MIPOL1: variants seen among roughly 807,000 people sequenced by gnomAD.
MIPOL1 encodes the protein mirror-image polydactyly gene 1 protein.
MIPOL1 carries 57 observed loss-of-function variants against 60.9 expected under a neutral mutation model. That is an observed-to-expected ratio of 0.94 (90% CI 0.76 to 1.17). The LOEUF (loss-of-function observed/expected upper bound fraction) is 1.17, where lower values mean the gene tolerates loss of function less well. Ranked by LOEUF, MIPOL1 falls within the 50% of genes most tolerant of loss-of-function variation. The pLI, the probability that MIPOL1 is intolerant of heterozygous loss-of-function variation, is 0.00. For missense variants in MIPOL1, 551 were observed against 511.6 expected, an observed-to-expected ratio of 1.08 and a Z score of -0.74; for synonymous variants, 179 against 168.8, an observed-to-expected ratio of 1.06 and a Z score of -0.47.
intron 12 of MIPOL1, among the ~76,000 whole-genome samples, chr14:37,528,615 G>A (rs914076446): frequency 1.3e-5 from 2 of 152,060 alleles, no homozygotes; most frequent in East Asian, 1.9e-4. Context: ...ATTATAAAGT[G>A]TATTATCATA....
At chr14:37,321,628 A>C (rs748569913) in intron 9 of MIPOL1, among the ~76,000 whole-genome samples, 23 of 152,034 alleles carry the variant, frequency 1.5e-4, no homozygotes, top group Admixed American at 6.6e-5. Flanking sequence ...GTTGTTGTGC[A>C]TAGATGTATT....
At position 37,446,058 on chromosome 14, in the gene MIPOL1, C is replaced by A. The variant is rs975688193; in HGVS notation, c.1031+23109C>A. On this transcript the variant is annotated intron_variant, in intron 11 of 12. Coordinates refer to ENST00000684589, the MANE Select transcript of MIPOL1 (RefSeq NM_001388067.1). ...ACACCAAAAGCAATGGCAACAAAAG[C>A]CAAAATTGACAAATGGGATCTAATT... Among the ~76,000 whole-genome samples the A allele has an allele frequency of 5.3e-5, 8 of 152,178 alleles. No homozygotes were observed. The South Asian group carries it at 8.3e-4, about 16-fold the overall frequency.
At chr14:37,343,134 A>C (rs1247663939) in intron 9 of MIPOL1, among the ~76,000 whole-genome samples, 1 of 151,750 alleles carries the variant, frequency 6.6e-6, no homozygotes, top group African/African-American at 2.4e-5. Flanking sequence ...AAGTATAAAT[A>C]TACACACATA....
chr14:37,207,245 G>C (rs1966235423), intron 1 of MIPOL1, among the ~76,000 whole-genome samples: 1 of 152,120 alleles, frequency 6.6e-6, no homozygotes, highest in Non-Finnish European at 1.5e-5. Context: ...ATAAGTCCAG[G>C]TGAGTTCTGA....
intron 3 of MIPOL1, among the ~76,000 whole-genome samples, chr14:37,250,897 C>T (rs542642751): frequency 1.7e-3 from 261 of 152,114 alleles, no homozygotes; most frequent in African/African-American, 5.8e-3. Flanking sequence ...AGAAACGCTT[C>T]TGAAATATTT....
rs567950078 is a variant in MIPOL1 at position 37,482,317 on chromosome 14, G to GA, written c.1032-17585dup. ...GCATACAGATAGCCAGTAGATATAT[G>GA]AAAAAATGTTTAATTGCTAATTATA... On this transcript the variant is annotated intron_variant, in intron 11 of 12. Transcript: ENST00000684589. Among the ~76,000 whole-genome samples the GA allele has an allele frequency of 2.0e-5, 3 of 152,228 alleles. No homozygotes were observed. The South Asian group carries it at 6.2e-4, about 32-fold the overall frequency.
At chr14:37,386,712 G>A (rs1474885) in intron 10 of MIPOL1, among the ~76,000 whole-genome samples, 150,307 of 152,108 alleles carry the variant, frequency 0.99, 74,288 homozygotes, top group Middle Eastern at 1. Flanking sequence ...AGTTGTTAAT[G>A]TAGTAGAGAA....
intron 10 of MIPOL1, among the ~76,000 whole-genome samples, chr14:37,388,486 G>GTT (rs77450180): frequency 2.3e-3 from 287 of 124,562 alleles, no homozygotes; most frequent in African/African-American, 6.4e-3. Flanking sequence ...TTTTTTTTGT[G>GTT]TTTTTTTTTT....
intron 9 of MIPOL1, among the ~76,000 whole-genome samples, chr14:37,360,078 CAT>C (rs1167669252): frequency 8.5e-5 from 13 of 152,200 alleles, no homozygotes; most frequent in Non-Finnish European, 7.4e-5. Context: ...ATGAGACAAT[CAT>C]GTGGTTTTTG....
intron 1 of MIPOL1, among the ~76,000 whole-genome samples, chr14:37,206,987 G>A: frequency 6.6e-6 from 1 of 152,186 alleles, no homozygotes; most frequent in Non-Finnish European, 1.5e-5. Flanking sequence ...TAGGGCTGTG[G>A]ACTTTTGAGT....
chr14:37,322,482 T>G (rs756009169), intron 9 of MIPOL1, among the ~76,000 whole-genome samples: 18 of 152,082 alleles, frequency 1.2e-4, no homozygotes, highest in Non-Finnish European at 2.4e-4. Context: ...ACTCTGTTCT[T>G]ATATAGATAA....
intron 11 of MIPOL1, among the ~76,000 whole-genome samples, chr14:37,438,545 C>T (rs997276087): frequency 1.3e-5 from 2 of 152,180 alleles, no homozygotes; most frequent in African/African-American, 4.8e-5. Flanking sequence ...ACCCCTTCCT[C>T]TACTCATGCC....
chr14:37,375,547 C>A (rs1442727141), intron 10 of MIPOL1, among the ~76,000 whole-genome samples: 1 of 152,124 alleles, frequency 6.6e-6, no homozygotes, highest in East Asian at 1.9e-4. Context: ...TTGGAACTGT[C>A]CAATGTAATT....
intron 11 of MIPOL1, among the ~76,000 whole-genome samples, chr14:37,456,736 A>G (rs2094480213): frequency 6.6e-6 from 1 of 152,130 alleles, no homozygotes; most frequent in Non-Finnish European, 1.5e-5. Flanking sequence ...ATAGGCAGTG[A>G]TTACCAGAAG....
At chr14:37,534,695 ACTTAAT>A (rs1021574178) in intron 12 of MIPOL1, among the ~76,000 whole-genome samples, 2 of 152,144 alleles carry the variant, frequency 1.3e-5, no homozygotes, top group African/African-American at 2.4e-5. Context: ...TAAAATTGTA[ACTTAAT>A]CTTAATTTAT....
chr14:37,214,075 A>G (rs1305182779), intron 1 of MIPOL1, among the ~76,000 whole-genome samples: 1 of 152,216 alleles, frequency 6.6e-6, no homozygotes, highest in East Asian at 1.9e-4. Context: ...AGAAGTGCTA[A>G]AGGGAGTACT....
chr14:37,208,658 G>A (rs1966485412), intron 1 of MIPOL1, among the ~76,000 whole-genome samples: 1 of 152,128 alleles, frequency 6.6e-6, no homozygotes, highest in African/African-American at 2.4e-5. Context: ...CAGTGGCACA[G>A]TCTTGGCTCA....
At chr14:37,528,438 T>TA (rs2095460861) in intron 12 of MIPOL1, among the ~76,000 whole-genome samples, 1 of 152,056 alleles carries the variant, frequency 6.6e-6, no homozygotes, top group South Asian at 2.1e-4. Flanking sequence ...AGTTAAAGAA[T>TA]ATTTAGAATT....
At position 37,270,462 on chromosome 14, in the gene MIPOL1, C is replaced by A. The variant is rs2083213389; in HGVS notation, c.430C>A (p.Leu144Ile). Residue 144 changes from leucine to isoleucine, a missense_variant, in exon 6 of 13, where the codon CTA (leucine) becomes ATA (isoleucine). By Grantham distance (5) the Leu-to-Ile change is conservative. Transcript: ENST00000684589. ...TAAAGAAGATAAAGAACAGAGAAAA[C>A]TAAAGTTTAAGCTGGAACTCCAAGA... Reference protein sequence around the residue: ...LAKEDKEQRKLKFKLELQEKE... With the variant: ...LAKEDKEQRKIKFKLELQEKE... 1.2e-6 allele frequency: 2 copies of A among 1,600,624 alleles called. No individual in the cohort carries two copies. Among genetic ancestry groups the A allele is most frequent in the Non-Finnish European group, 1.7e-6 (2 of 1,173,080 alleles).
Sources: allele counts gnomAD v4.1 joint callset (sites outside exome capture counted in the v4.1 genomes callset), GRCh38; gene constraint gnomAD v4.1.1; transcripts MANE v1.5; gene names NCBI Gene and HGNC (gene_info 2026-07-23, HGNC 2026-07-21).